Variants in FAH observed in about 807,000 individuals in gnomAD.
FAH encodes the protein fumarylacetoacetate hydrolase.
A neutral mutation model predicts 55.8 loss-of-function variants in FAH; 47 were observed. The ratio of observed to expected loss-of-function variants is 0.84; its 90% CI spans 0.67 to 1.07. The LOEUF is 1.07. Among genes scored for constraint, FAH ranks in the 50% least tolerant of loss-of-function variants. The probability of loss-of-function intolerance (pLI) is 0.00; values close to 1 mark genes in which losing one functional copy is unlikely to be tolerated. For synonymous variants in FAH, 199 were observed against 207.7 expected, an observed-to-expected ratio of 0.96 and a Z score of 0.36; for missense variants, 495 against 545.9, an observed-to-expected ratio of 0.91 and a Z score of 0.93.
rs141827305 is a variant in FAH, at chr15:80,160,413, A to G, written c.318A>G (p.Ala106=). The part of the protein sequence containing the change: ...LRDDTELRKC[A]FISQASATMH... ...AGCCCCTGGTTCTGTGTTTCAGTGC[A>G]TTCATCTCCCAGGCTTCTGCCACGA... Residue 106 remains alanine (A), a synonymous_variant, in exon 4 of 14, where the codon GCA becomes GCG. Transcript: ENST00000561421. 2.8e-5 allele frequency: 46 copies of G among 1,614,228 alleles called. No homozygotes were observed. Among genetic ancestry groups the G allele is most frequent in the Middle Eastern group, 1.6e-4 (1 of 6,062 alleles).
At chr15:80,165,268 C>T (rs1447601408) in intron 5 of FAH, among the ~76,000 whole-genome samples, 2 of 151,878 alleles carry the variant, frequency 1.3e-5, no homozygotes, top group South Asian at 2.1e-4. Flanking sequence ...GTGGCTCACG[C>T]CTGTAATCCC....
intron 7 of FAH, among the ~76,000 whole-genome samples, chr15:80,171,701 A>T (rs1439520925): frequency 6.6e-6 from 1 of 152,144 alleles, no homozygotes; most frequent in East Asian, 1.9e-4. Context: ...GGCTCAAGTG[A>T]TCCTTCCACC....
intron 7 of FAH, among the ~76,000 whole-genome samples, chr15:80,168,753 G>GT (rs1399729095): frequency 2.6e-5 from 4 of 152,074 alleles, no homozygotes; most frequent in Non-Finnish European, 5.9e-5. Flanking sequence ...CTGTTTCATT[G>GT]TTTTTTTATA....
upstream of FAH, chr15:80,152,827 C>T: frequency 2.4e-6 from 1 of 417,964 alleles, no homozygotes; most frequent in Admixed American, 5.1e-5. Context: ...GGACCTGGAG[C>T]TGGCGGGGGT....
intron 5 of FAH, 142 bp downstream of exon 5, chr15:80,162,478 A>G: frequency 1.3e-6 from 1 of 755,472 alleles, no homozygotes; most frequent in South Asian, 1.4e-5. Flanking sequence ...CTCTGGAAGC[A>G]GTGGTCTCAG....
intron 8 of FAH, 104 bp from the exon 9 acceptor site, chr15:80,172,910 T>G: frequency 6.8e-7 from 1 of 1,465,016 alleles, no homozygotes; most frequent in South Asian, 1.1e-5. Flanking sequence ...TTTGTGGAGA[T>G]GGCAGTGCTA....
chr15:80,165,106 A>C lies in FAH; in HGVS notation c.455+2770A>C, dbSNP rs980800834. Among the ~76,000 whole-genome samples the C allele has an allele frequency of 7.2e-5, 11 of 152,236 alleles. 1 individual carries two copies. Among genetic ancestry groups the C allele is most frequent in the African/African-American group, 2.4e-4 (10 of 41,462 alleles). Reference sequence around the variant, plus strand: ...ATAAAAAGATACAAAAATACAGTACAGTAGGGCTGGGCGCGGTGGCTCACA... The same window carrying C: ...ATAAAAAGATACAAAAATACAGTACCGTAGGGCTGGGCGCGGTGGCTCACA... On this transcript the variant is annotated intron_variant, in intron 5 of 13. Coordinates refer to ENST00000561421, the MANE Select transcript of FAH (RefSeq NM_000137.4).
Position 80,153,075 on chromosome 15 carries a change from C to T in FAH, c.21C>T (p.Ala7=), listed in dbSNP as rs752897835. 4 of 1,613,798 alleles carry T rather than the reference C, an allele frequency of 2.5e-6. No homozygotes were observed. Among genetic ancestry groups the T allele is most frequent in the South Asian group, 2.2e-5 (2 of 91,080 alleles). The change falls in exon 1 of 14, where the codon GCC becomes GCT. Residue 7 remains alanine (A), a synonymous_variant. Transcript: ENST00000561421. MSFIPV[A]EDSDFPIHNL... Reference sequence around the variant, plus strand: ...TCAGCATGTCCTTCATCCCGGTGGCCGAGGATTCCGACTTCCCCATCCACA... The same window carrying T: ...TCAGCATGTCCTTCATCCCGGTGGCTGAGGATTCCGACTTCCCCATCCACA...
At chr15:80,174,154 C>A (rs182870156) in intron 9 of FAH, among the ~76,000 whole-genome samples, 1 of 152,172 alleles carries the variant, frequency 6.6e-6, no homozygotes, top group Non-Finnish European at 1.5e-5. Flanking sequence ...CATTTTCAGT[C>A]GCCAGGACTT....
chr15:80,164,908 A>G (rs1398045228), intron 5 of FAH, among the ~76,000 whole-genome samples: 3 of 152,224 alleles, frequency 2.0e-5, no homozygotes, highest in Admixed American at 6.5e-5. Flanking sequence ...GCACGCATAC[A>G]TATGCATTTT....
At chr15:80,158,275 C>A in intron 2 of FAH, 105 bp downstream of exon 2, 1 of 874,388 alleles carries the variant, frequency 1.1e-6, no homozygotes, top group Non-Finnish European at 2.0e-6. Flanking sequence ...GTAATGCCAT[C>A]GAAGGTCTCA....
At chr15:80,159,145 G>A (rs1387181851) in intron 2 of FAH, among the ~76,000 whole-genome samples, 1 of 152,004 alleles carries the variant, frequency 6.6e-6, no homozygotes, top group African/African-American at 2.4e-5. Context: ...GGCTGAGGCA[G>A]GAGAACTGCT....
rs374485244 is a variant in FAH, at chr15:80,168,017, C to T, written c.456-35C>T. On this transcript the variant is annotated intron_variant, in intron 5 of 13. Coordinates refer to ENST00000561421, the MANE Select transcript of FAH (RefSeq NM_000137.4). Reference sequence around the variant, plus strand: ...AGTTAATTGACAACATATAACAGCTCTGATGCCCTGCATTCTCTTGCCTTC... The same window carrying T: ...AGTTAATTGACAACATATAACAGCTTTGATGCCCTGCATTCTCTTGCCTTC... 9.6e-5 allele frequency: 148 copies of T among 1,542,154 alleles called. 1 individual carries two copies. The highest frequency in any genetic ancestry group is 2.2e-4 in the Admixed American group (13 of 59,928).
At chr15:80,164,007 G>A (rs533048640) in intron 5 of FAH, among the ~76,000 whole-genome samples, 2 of 152,342 alleles carry the variant, frequency 1.3e-5, no homozygotes, top group South Asian at 4.1e-4. Context: ...ATTAGGTAAA[G>A]TGTGTCTCAC....
rs772895065 is a variant in FAH at position 80,153,137 on chromosome 15, T to A, written c.81+2T>A. ...GGCGTCTTCTCGACCAGAGGCGACG[T>A]GAGCAGTGGGGCTTTGGCGTCCGGG... On this transcript the variant is annotated splice_donor_variant, in intron 1 of 13. Coordinates refer to ENST00000561421, the MANE Select transcript of FAH (RefSeq NM_000137.4). LOFTEE classifies it high-confidence loss of function. 7 of 1,600,380 alleles carry A rather than the reference T, an allele frequency of 4.4e-6. No individual in the cohort carries two copies. The highest frequency in any genetic ancestry group is 6.0e-6 in the Non-Finnish European group (7 of 1,173,324).
Position 80,159,832 on chromosome 15 carries a change from C to G in FAH, c.269C>G (p.Ser90Cys), listed in dbSNP as rs2041132874. ...EARVFLQNLLSVSQARLRDDT... is the reference protein window; with the variant it reads ...EARVFLQNLLCVSQARLRDDT... ...AGAGTGTTCTTGCAGAACTTGCTGTCTGTGAGCCAAGCCAGGCTCAGAGAT... is the reference window on the plus strand; with the variant it reads ...AGAGTGTTCTTGCAGAACTTGCTGTGTGTGAGCCAAGCCAGGCTCAGAGAT... The change falls in exon 3 of 14, where the codon TCT becomes TGT. Residue 90 changes from serine to cysteine, a missense_variant. By Grantham distance (112) the Ser-to-Cys change is moderately radical (BLOSUM62 -1). Coordinates refer to ENST00000561421, the MANE Select transcript of FAH (RefSeq NM_000137.4). The G allele has an allele frequency of 5.0e-6, 8 of 1,614,232 alleles. No homozygotes were observed. The highest frequency in any genetic ancestry group is 6.8e-6 in the Non-Finnish European group (8 of 1,180,046).
In FAH at chr15:80,180,417, G is replaced by T. The variant is rs948652332; in HGVS notation, c.1062+192G>T. 6.5e-5 allele frequency: 39 copies of T among 602,780 alleles called. 1 individual carries two copies. Among genetic ancestry groups the T allele is most frequent in the Middle Eastern group, 4.4e-4 (1 of 2,268 alleles). 37.3% of individuals were successfully genotyped at this position (602,780 alleles called of 1,614,324 possible). A position where few individuals can be genotyped will look rare whatever the true frequency, so the allele number is the denominator to read the frequency against. ...TCTCATCCAAATTCAAACCTAAAGA[G>T]ACTGGTGTGAGAACGGAAGCCTGGG... On this transcript the variant is annotated intron_variant, in intron 12 of 13. Coordinates refer to ENST00000561421, the MANE Select transcript of FAH (RefSeq NM_000137.4).
Position 80,172,265 on chromosome 15 carries a change from T to C in FAH, c.706+17T>C. On this transcript the variant is annotated intron_variant, in intron 8 of 13. Coordinates refer to ENST00000561421, the MANE Select transcript of FAH (RefSeq NM_000137.4). ...ACTGGAGTGGTAATTACTGGAGCTC[T>C]GCTCCTGTAGAGATGACGGGGAGGA... 6.6e-7 allele frequency: 1 copy of C among 1,520,412 alleles called. No individual in the cohort carries two copies. The highest frequency in any genetic ancestry group is 9.1e-7 in the Non-Finnish European group (1 of 1,094,420). 94.2% of individuals were successfully genotyped at this position (1,520,412 alleles called of 1,614,324 possible).
chr15:80,183,204 G>A (rs534984849), intron 13 of FAH, among the ~76,000 whole-genome samples: 2 of 152,312 alleles, frequency 1.3e-5, no homozygotes, highest in East Asian at 3.9e-4. Flanking sequence ...GCACATGTTG[G>A]CAAGTGAAGA....
Sources: gnomAD v4.1 joint callset for allele counts (sites outside exome capture counted in the v4.1 genomes callset) on GRCh38, gnomAD v4.1.1 for gene constraint, MANE v1.5 for transcripts, NCBI Gene and HGNC (gene_info 2026-07-23, HGNC 2026-07-21) for gene names.